Variants in MTAP observed in about 807,000 individuals in gnomAD.
MTAP encodes the protein S-methyl-5'-thioadenosine phosphorylase.
MTAP carries 33 observed loss-of-function variants against 33.6 expected under a neutral mutation model. That is an observed-to-expected ratio of 0.98 (90% CI 0.74 to 1.31). The LOEUF is 1.31. Ranked by LOEUF, MTAP falls within the 40% of genes most tolerant of loss-of-function variation. The pLI, the probability that MTAP is intolerant of heterozygous loss-of-function variation, is 0.00. For synonymous variants in MTAP, 148 were observed against 125.7 expected (o/e 1.18, Z -1.19); for missense variants, 367 against 360.0 (o/e 1.02, Z -0.16).
At chr9:21,910,951 G>T (rs1400943445) in intron 1 of MTAP, among the ~76,000 whole-genome samples, 1 of 151,606 alleles carries the variant, frequency 6.6e-6, no homozygotes, top group African/African-American at 2.4e-5. Flanking sequence ...CCAACCAAAT[G>T]GAAAACAAAA....
intron 1 of MTAP, among the ~76,000 whole-genome samples, chr9:21,915,034 TCC>T (rs1818657699): frequency 9.4e-6 from 1 of 106,000 alleles, no homozygotes; most frequent in Non-Finnish European, 1.7e-5. Flanking sequence ...CTTCCTTCCT[TCC>T]TTCCTTCCTT....
In MTAP at chr9:21,864,164, T is replaced by C. The variant is rs1825810421; in HGVS notation, c.*2150T>C. 1.0e-6 allele frequency: 1 copy of C among 985,470 alleles called. No homozygotes were observed. Among genetic ancestry groups the C allele is most frequent in the Non-Finnish European group, 1.2e-6 (1 of 829,940 alleles). 61.0% of individuals were successfully genotyped at this position (985,470 alleles called of 1,614,324 possible). A position where few individuals can be genotyped will look rare whatever the true frequency, so the allele number is the denominator to read the frequency against. ...TCTCCAACTTGCAGAGGTACTTTTC[T>C]TGATTAAATAGCCTTCTCTAGCAAC... On this transcript the variant is annotated 3_prime_UTR_variant, in exon 8 of 8. Coordinates refer to ENST00000644715, the MANE Select transcript of MTAP (RefSeq NM_002451.4).
chr9:21,882,841 T>C (rs1407022248), intron 1 of MTAP, among the ~76,000 whole-genome samples: 2 of 152,040 alleles, frequency 1.3e-5, no homozygotes, highest in Non-Finnish European at 2.9e-5. Flanking sequence ...TTGGAAGTTA[T>C]AAAGTACACT....
chr9:21,897,541 T>C (rs1194063172), intron 1 of MTAP, among the ~76,000 whole-genome samples: 1 of 152,198 alleles, frequency 6.6e-6, no homozygotes, highest in Non-Finnish European at 1.5e-5. Context: ...AGTCTCAGGA[T>C]ACAAAATCAA....
intron 1 of MTAP, chr9:21,929,900 C>T (rs1283974197): frequency 2.2e-5 from 8 of 365,932 alleles, no homozygotes; most frequent in East Asian, 6.2e-5. Context: ...TAATGTTACT[C>T]TCTCTGTAGA....
At chr9:21,903,169 G>C (rs1157712134) in intron 1 of MTAP, among the ~76,000 whole-genome samples, 1 of 152,168 alleles carries the variant, frequency 6.6e-6, no homozygotes, top group Non-Finnish European at 1.5e-5. Flanking sequence ...GACTTCAATT[G>C]CAGGATATTT....
intron 5 of MTAP, among the ~76,000 whole-genome samples, chr9:21,849,885 C>T (rs1825470759): frequency 2.0e-5 from 3 of 152,200 alleles, no homozygotes; most frequent in Admixed American, 2.0e-4. Context: ...CTCCTGGTAC[C>T]TGGTATGCAG....
chr9:21,906,098 C>A lies in MTAP; in HGVS notation c.148-24910C>A, dbSNP rs75312108. ...CTAAAGAATTCACCTAAAACCCAGA[C>A]TACACAAGATTTCTATAGGTAAAAC... On this transcript the variant is annotated intron_variant, in intron 1 of 1. Transcript: ENST00000577563. Among the ~76,000 whole-genome samples the A allele has an allele frequency of 9.2e-3, 1,404 of 152,180 alleles. 12 individuals carry two copies. Among genetic ancestry groups the A allele is most frequent in the African/African-American group, 0.032 (1,339 of 41,524 alleles).
At chr9:21,815,569 T>C (rs1824453565) in intron 2 of MTAP, 50 bp downstream of exon 2, 2 of 1,189,474 alleles carry the variant, frequency 1.7e-6, no homozygotes, top group African/African-American at 1.6e-5. Context: ...TCATTTCTCC[T>C]TGCTGGCTTG....
chr9:21,928,506 C>A (rs1818904989), intron 1 of MTAP, among the ~76,000 whole-genome samples: 1 of 152,070 alleles, frequency 6.6e-6, no homozygotes, highest in Admixed American at 6.6e-5. Context: ...AGACTCCTGC[C>A]CCACAAGGAC....
At chr9:21,932,177 G>T (rs1055641147), downstream of MTAP, 12 of 152,210 alleles carry the variant, frequency 7.9e-5, no homozygotes. Context: ...GGCAGTAGGG[G>T]TGATCTGATC....
chr9:21,850,105 G>T (rs942170225), intron 5 of MTAP, among the ~76,000 whole-genome samples: 1 of 152,226 alleles, frequency 6.6e-6, no homozygotes, highest in African/African-American at 2.4e-5. Flanking sequence ...TTACATTGAT[G>T]ACAGTACGCT....
intron 1 of MTAP, among the ~76,000 whole-genome samples, chr9:21,878,298 G>C (rs182658425): frequency 9.0e-4 from 137 of 152,012 alleles, no homozygotes; most frequent in African/African-American, 3.2e-3. Context: ...TTCTTTTAAA[G>C]AAAAAATTTC....
chr9:21,925,961 G>A (rs184294731), intron 1 of MTAP, among the ~76,000 whole-genome samples: 62 of 152,316 alleles, frequency 4.1e-4, no homozygotes, highest in African/African-American at 1.4e-3. Context: ...CCTGTGAGGG[G>A]AGACTGTCTT....
chr9:21,835,211 C>T (rs183366693), intron 4 of MTAP, among the ~76,000 whole-genome samples: 3 of 152,242 alleles, frequency 2.0e-5, no homozygotes, highest in Admixed American at 2.0e-4. Flanking sequence ...TGCCTAATCA[C>T]CTCCAAAAGG....
downstream of MTAP, chr9:21,934,678 A>T (rs1390127803): frequency 1.3e-5 from 2 of 151,926 alleles, no homozygotes; most frequent in African/African-American, 4.8e-5. The surrounding 1 kb of genome is among the most constrained non-coding windows in gnomAD (Gnocchi z 5.0). Context: ...CAAAAAAACA[A>T]AAAAAAACAA....
chr9:21,832,553 C>T (rs190843023), intron 4 of MTAP, among the ~76,000 whole-genome samples: 5 of 152,312 alleles, frequency 3.3e-5, no homozygotes, highest in African/African-American at 7.2e-5. Context: ...ATAAACTCTT[C>T]ACCTTCCTTC....
chr9:21,849,016 C>T, intron 5 of MTAP, among the ~76,000 whole-genome samples: 1 of 152,094 alleles, frequency 6.6e-6, no homozygotes. Flanking sequence ...CATAGGAGGC[C>T]TACTGCATTC....
chr9:21,937,606 GTTTGT>G (rs922219095), exon 8 of MTAP: 5 of 151,924 alleles, frequency 3.3e-5, no homozygotes, highest in African/African-American at 1.2e-4. Flanking sequence ...AGCTAGTTTT[GTTTGT>G]TTTGTTTTTA....
Sources: allele counts gnomAD v4.1 joint callset (sites outside exome capture counted in the v4.1 genomes callset), GRCh38; gene constraint gnomAD v4.1.1; non-coding constraint Gnocchi (gnomAD v3.1); transcripts MANE v1.5; gene names NCBI Gene and HGNC (gene_info 2026-07-23, HGNC 2026-07-21).